The following CHIC1 variants were observed in gnomAD, a reference collection of about 807,000 sequenced individuals.
CHIC1 encodes the protein cysteine rich hydrophobic domain 1.
CHIC1 carries 7 observed loss-of-function variants against 18.5 expected under a neutral mutation model. The ratio of observed to expected loss-of-function variants is 0.38; its 90% CI spans 0.22 to 0.71. The LOEUF (loss-of-function observed/expected upper bound fraction) is 0.71. CHIC1 is among the 30% of genes least tolerant of loss of function. CHIC1 has a pLI of 0.49. For missense variants in CHIC1, 159 were observed against 176.9 expected, an observed-to-expected ratio of 0.90 and a Z score of 0.57; for synonymous variants, 77 against 73.5, an observed-to-expected ratio of 1.05 and a Z score of -0.25.
At chrX:73,672,011 C>T (rs180837944) in intron 3 of CHIC1, among the ~76,000 whole-genome samples, 52 of 111,179 alleles carry the variant, frequency 4.7e-4, no homozygotes, top group African/African-American at 1.4e-3. Context: ...TGAGTGAGAA[C>T]ATGCGGTGTT....
At chrX:73,662,212 C>CT (rs2147619081) in intron 3 of CHIC1, among the ~76,000 whole-genome samples, 1 of 109,583 alleles carries the variant, frequency 9.1e-6, no homozygotes, top group African/African-American at 3.3e-5. Flanking sequence ...CTTCGAATTG[C>CT]TTTTTACTTA....
intron 3 of CHIC1, among the ~76,000 whole-genome samples, chrX:73,654,180 T>C (rs1264974107): frequency 8.9e-6 from 1 of 112,454 alleles, no homozygotes; most frequent in East Asian, 2.8e-4. Context: ...TTTTATCATA[T>C]ATGGGCATTA....
intron 3 of CHIC1, among the ~76,000 whole-genome samples, chrX:73,603,371 A>G (rs2057661667): frequency 1.8e-5 from 2 of 108,675 alleles, no homozygotes; most frequent in African/African-American, 3.6e-5. Flanking sequence ...ACCTTGCTGA[A>G]GTTGCTAATC....
chrX:73,596,590 A>G (rs1394539167), intron 3 of CHIC1, among the ~76,000 whole-genome samples: 1 of 111,581 alleles, frequency 9.0e-6, no homozygotes, highest in Non-Finnish European at 1.9e-5. Context: ...AGGAAAAAGA[A>G]CAAAGCTGGA....
chrX:73,633,481 T>C (rs1012230361), intron 3 of CHIC1, among the ~76,000 whole-genome samples: 1 of 111,905 alleles, frequency 8.9e-6, no homozygotes, highest in Non-Finnish European at 1.9e-5. Flanking sequence ...TTTTGACTTT[T>C]GACAATTTCA....
intron 5 of CHIC1, 79 bp downstream of exon 5, chrX:73,679,792 A>C (rs1467937343): frequency 1.9e-6 from 1 of 522,008 alleles, no homozygotes; most frequent in African/African-American, 2.5e-5. Flanking sequence ...TTTGTCAACT[A>C]TTCCTTCTTT....
intron 2 of CHIC1, among the ~76,000 whole-genome samples, 172 bp from the exon 3 acceptor site, chrX:73,584,244 AT>A (rs2057541740): frequency 9.2e-6 from 1 of 109,276 alleles, no homozygotes; most frequent in African/African-American, 3.5e-5. Flanking sequence ...ACTTGAAATT[AT>A]ATTGTTGTGC....
chrX:73,670,829 C>T (rs1465711809), intron 3 of CHIC1, among the ~76,000 whole-genome samples: 1 of 111,383 alleles, frequency 9.0e-6, no homozygotes, highest in Non-Finnish European at 1.9e-5. Context: ...TTCCAAATTT[C>T]CTCCTGTTAT....
rs187940798 is a variant in CHIC1 at position 73,670,276 on chromosome X, G to A, written c.508-9050G>A. ...CCCAACGTGAGAACCTAGATATTTC[G>A]GTTGAAGGTGCTATATTCACTCACC... is the stretch of plus-strand genomic sequence containing the variant. On this transcript the variant is annotated intron_variant, in intron 3 of 5. Coordinates refer to ENST00000373502, the MANE Select transcript of CHIC1 (RefSeq NM_001039840.4). Among the ~76,000 whole-genome samples, 10 of 111,329 alleles carry A rather than the reference G, an allele frequency of 9.0e-5. No individual in the cohort carries two copies. In the East Asian group the frequency reaches 1.7e-3, roughly 19 times the overall value.
chrX:73,571,699 TGAA>T (rs1207683554), intron 1 of CHIC1, among the ~76,000 whole-genome samples: 1 of 111,576 alleles, frequency 9.0e-6, no homozygotes, highest in Non-Finnish European at 1.9e-5. Context: ...ACAGAATTAA[TGAA>T]GGATTTTTTT....
rs907751800 is a variant in CHIC1 at position 73,686,850 on chromosome X, G to A, written c.*5845G>A. ...AGCTTTACCAGAAAAGAATAATAGC[G>A]GATATGTTCATCCAAACTAAGAACT... On this transcript the variant is annotated 3_prime_UTR_variant, in exon 6 of 6. Coordinates refer to ENST00000373502, the MANE Select transcript of CHIC1 (RefSeq NM_001039840.4). 2.7e-5 allele frequency: 3 copies of A among 111,106 alleles called. No homozygotes were observed. Among genetic ancestry groups the A allele is most frequent in the Admixed American group, 1.9e-4 (2 of 10,430 alleles). The allele number at this position is 111,106 out of a possible 1,213,427, so 9.2% of individuals were successfully genotyped here. A position where few individuals can be genotyped will look rare whatever the true frequency, so the allele number is the denominator to read the frequency against.
At chrX:73,608,400 C>T (rs1307075257) in intron 3 of CHIC1, among the ~76,000 whole-genome samples, 1 of 107,544 alleles carries the variant, frequency 9.3e-6, no homozygotes, top group Non-Finnish European at 1.9e-5. Flanking sequence ...TTGAGTTTTC[C>T]TGTGAATTTT....
intron 3 of CHIC1, among the ~76,000 whole-genome samples, chrX:73,624,416 T>A (rs919442239): frequency 1.8e-5 from 2 of 111,775 alleles, no homozygotes; most frequent in Non-Finnish European, 3.8e-5. Context: ...AAAATTTTTT[T>A]AATCTCTTAT....
At chrX:73,615,752 G>A (rs1250950448) in intron 3 of CHIC1, among the ~76,000 whole-genome samples, 1 of 111,363 alleles carries the variant, frequency 9.0e-6, no homozygotes, top group African/African-American at 3.3e-5. Context: ...CACAGCGGCA[G>A]GGTCATCTCC....
rs184579704 is a variant in CHIC1, at chrX:73,656,803, A to G, written c.508-22523A>G. Among the ~76,000 whole-genome samples, 4 of 111,896 alleles carry G rather than the reference A, an allele frequency of 3.6e-5. No individual in the cohort carries two copies. In the Admixed American group the frequency reaches 3.8e-4, roughly 11 times the overall value. On this transcript the variant is annotated intron_variant, in intron 3 of 5. Coordinates refer to ENST00000373502, the MANE Select transcript of CHIC1 (RefSeq NM_001039840.4). ...CATTCAAGCTCTTTTTTTGTGTCAT[A>G]TGAATTTTAAAATAGTTTTTCTAAG... is the stretch of plus-strand genomic sequence containing the variant.
intron 3 of CHIC1, among the ~76,000 whole-genome samples, chrX:73,598,317 G>C (rs762449195): frequency 1.1e-5 from 1 of 87,834 alleles, no homozygotes; most frequent in Admixed American, 1.2e-4. Flanking sequence ...TTTGGTTTTG[G>C]TTTGCATTTC....
At chrX:73,655,462 GTATATATATATACATATATACACAATAT>G (rs2057939716) in intron 3 of CHIC1, among the ~76,000 whole-genome samples, 6 of 42,983 alleles carry the variant, frequency 1.4e-4, no homozygotes, top group Admixed American at 1.3e-3. Flanking sequence ...ACAATATTGT[GTATATATATATACATATATACACAATAT>G]TGTGTATATA....
At chrX:73,594,142 C>CTTTTGTTTTGT (rs760396245) in intron 3 of CHIC1, among the ~76,000 whole-genome samples, 18 of 101,572 alleles carry the variant, frequency 1.8e-4, no homozygotes, top group African/African-American at 6.3e-4. Flanking sequence ...AGGTGCTTTC[C>CTTTTGTTTTGT]TTTGTTTTGT....
At position 73,686,463 on chromosome X, in the gene CHIC1, A is replaced by G. The variant is rs1184977296; in HGVS notation, c.*5458A>G. 1 of 111,939 alleles carries G rather than the reference A, an allele frequency of 8.9e-6. No individual in the cohort carries two copies. Among genetic ancestry groups the G allele is most frequent in the Non-Finnish European group, 1.9e-5 (1 of 53,036 alleles). 9.2% of individuals were successfully genotyped at this position (111,939 alleles called of 1,213,427 possible). ...TTATAATGTCATATTCTAGCATTGG[A>G]CTAAATATCAATTTCTGACTCTTAA... On this transcript the variant is annotated 3_prime_UTR_variant, in exon 6 of 6. Coordinates refer to ENST00000373502, the MANE Select transcript of CHIC1 (RefSeq NM_001039840.4).
Sources: allele counts gnomAD v4.1 joint callset (sites outside exome capture counted in the v4.1 genomes callset), GRCh38; gene constraint gnomAD v4.1.1; transcripts MANE v1.5; gene names NCBI Gene and HGNC (gene_info 2026-07-23, HGNC 2026-07-21).